The following CCR6 variants were observed in gnomAD, a reference collection of about 807,000 sequenced individuals.
CCR6 encodes the protein C-C chemokine receptor type 6.
Under a neutral mutation model 3.0 loss-of-function variants are expected in CCR6, and 2 were observed. That is an observed-to-expected ratio of 0.66 (90% CI 0.27 to 2.07). The LOEUF (loss-of-function observed/expected upper bound fraction) is 2.07. Ranked by LOEUF, CCR6 falls within the 30% of genes most tolerant of loss-of-function variation. The probability of loss-of-function intolerance (pLI) is 0.14; values close to 1 mark genes in which losing one functional copy is unlikely to be tolerated. For missense variants in CCR6, 322 were observed against 462.8 expected (o/e 0.70, Z 2.79); for synonymous variants, 193 against 184.3 (o/e 1.05, Z -0.38).
At chr6:167,130,240 A>G (rs1781732625) in intron 1 of CCR6, among the ~76,000 whole-genome samples, 2 of 151,790 alleles carry the variant, frequency 1.3e-5, no homozygotes, top group South Asian at 4.1e-4. Flanking sequence ...TTGCAAGGGT[A>G]GGTTCACTGG....
In CCR6 at chr6:167,139,131, T is replaced by C. The variant is rs56240207; in HGVS notation, c.*1776T>C. ...GGCTTTGCAAAATAAAAAATGTGTT[T>C]TGTACATGAAGTAGGAATCGTATTT... On this transcript the variant is annotated 3_prime_UTR_variant, in exon 3 of 3. Coordinates refer to ENST00000341935, the MANE Select transcript of CCR6 (RefSeq NM_031409.4). 988 of 152,434 alleles carry C rather than the reference T, an allele frequency of 6.5e-3. 18 individuals carry two copies. Among genetic ancestry groups the C allele is most frequent in the Non-Finnish European group, 5.3e-3 (362 of 68,022 alleles). The allele number at this position is 152,434 out of a possible 1,614,324, so 9.4% of individuals were successfully genotyped here.
intron 1 of CCR6, among the ~76,000 whole-genome samples, chr6:167,124,896 A>G (rs998945146): frequency 3.9e-5 from 6 of 152,152 alleles, no homozygotes; most frequent in African/African-American, 1.2e-4. Context: ...ACATGCATGC[A>G]TACACACATG....
chr6:167,122,332 T>A (rs767280784), upstream of CCR6, among the ~76,000 whole-genome samples: 1 of 152,246 alleles, frequency 6.6e-6, no homozygotes, highest in Non-Finnish European at 1.5e-5. The surrounding 1 kb of genome is among the most constrained non-coding windows in gnomAD (Gnocchi z 4.2). Context: ...TTCTTTTCTA[T>A]TTTTTAAGCA....
chr6:167,117,658 G>T (rs1028688397), intron 1 of CCR6, among the ~76,000 whole-genome samples: 1 of 151,210 alleles, frequency 6.6e-6, no homozygotes. Context: ...CTCGTGATCC[G>T]CCCGTCTCAG....
chr6:167,127,729 G>A (rs1456499442), intron 1 of CCR6, among the ~76,000 whole-genome samples: 1 of 152,170 alleles, frequency 6.6e-6, no homozygotes, highest in African/African-American at 2.4e-5. Flanking sequence ...TCAAACTCCT[G>A]GCCTCAAGTG....
chr6:167,133,872 T>A (rs2114935442), intron 1 of CCR6, among the ~76,000 whole-genome samples: 1 of 148,600 alleles, frequency 6.7e-6, no homozygotes, highest in East Asian at 2.0e-4. Flanking sequence ...ATAAGTATTT[T>A]ACATTTTATG....
chr6:167,138,363 T>C lies in CCR6; in HGVS notation c.*1008T>C, dbSNP rs1781881984. On this transcript the variant is annotated 3_prime_UTR_variant, in exon 3 of 3. Coordinates refer to ENST00000341935, the MANE Select transcript of CCR6 (RefSeq NM_031409.4). The stretch of plus-strand genomic sequence containing the variant: ...TACTGAGACAATGTAGAAAGAAGTT[T>C]TGTTCCGTTTCTTTAATGTGGTTGA... 1 of 152,304 alleles carries C rather than the reference T, an allele frequency of 6.6e-6. No homozygotes were observed. The allele number at this position is 152,304 out of a possible 1,614,324, so 9.4% of individuals were successfully genotyped here.
intron 1 of CCR6, among the ~76,000 whole-genome samples, chr6:167,128,307 CA>C (rs1447704926): frequency 6.6e-6 from 1 of 152,250 alleles, no homozygotes; most frequent in Non-Finnish European, 1.5e-5. Context: ...GACATGGGGC[CA>C]TGATTCTGCC....
At chr6:167,119,904 C>T (rs1781560624), upstream of CCR6, among the ~76,000 whole-genome samples, 1 of 152,218 alleles carries the variant, frequency 6.6e-6, no homozygotes, top group Non-Finnish European at 1.5e-5. Context: ...TTTCTTCTTC[C>T]TGTCCCTCCA....
chr6:167,117,416 T>C (rs375653075), intron 1 of CCR6, among the ~76,000 whole-genome samples: 499 of 90,728 alleles, frequency 5.5e-3, no homozygotes, highest in East Asian at 0.019. Flanking sequence ...TTTTTTTTTC[T>C]TTTTTTTTTT....
intron 1 of CCR6, among the ~76,000 whole-genome samples, chr6:167,112,697 G>T (rs771275262): frequency 3.3e-5 from 5 of 152,104 alleles, no homozygotes; most frequent in Non-Finnish European, 7.4e-5. Flanking sequence ...GGCAGCAGGC[G>T]GCATCACAGG....
intron 1 of CCR6, among the ~76,000 whole-genome samples, chr6:167,133,930 GTGTATATATATATATATATATATA>G (rs1330028208): frequency 3.4e-5 from 1 of 29,024 alleles, no homozygotes; most frequent in Non-Finnish European, 6.7e-5. Flanking sequence ...TGATATATGT[GTGTATATATATATATATATATATA>G]TATATATATA....
At chr6:167,121,020 G>A (rs3756845), upstream of CCR6, 5,631 of 152,332 alleles carry the variant, frequency 0.037, 288 homozygotes, top group African/African-American at 0.11. Context: ...CTCAGCTCTC[G>A]AAGTAAAGGC....
Position 167,128,019 on chromosome 6 carries a change from C to T in CCR6, c.-98+4796C>T, listed in dbSNP as rs150273315. 3.3e-5 allele frequency among the ~76,000 whole-genome samples: 5 copies of T among 152,386 alleles called. No individual in the cohort carries two copies. The East Asian group carries it at 9.6e-4, about 29-fold the overall frequency. On this transcript the variant is annotated intron_variant, in intron 1 of 2. Coordinates refer to ENST00000341935, the MANE Select transcript of CCR6 (RefSeq NM_031409.4). ...ATGGCTCGGCTTGTGGCCCCCTCTT[C>T]TGTCTGCAACTCCAGCAACAATACA...
upstream of CCR6, chr6:167,119,438 T>C (rs451426): frequency 1.3e-5 from 2 of 152,286 alleles, no homozygotes; most frequent in African/African-American, 4.8e-5. Context: ...GGCATACTTT[T>C]AACTATTTCT....
intron 1 of CCR6, among the ~76,000 whole-genome samples, chr6:167,131,798 T>C (rs555234200): frequency 3.0e-4 from 45 of 152,348 alleles, no homozygotes; most frequent in African/African-American, 1.0e-3. Flanking sequence ...CCAACACATT[T>C]GCGCGGAAGA....
upstream of CCR6, among the ~76,000 whole-genome samples, chr6:167,122,614 T>C (rs1781606195): frequency 6.6e-6 from 1 of 152,240 alleles, no homozygotes; most frequent in South Asian, 2.1e-4. The surrounding 1 kb of genome is among the most constrained non-coding windows in gnomAD (Gnocchi z 4.2). Flanking sequence ...CCTCTGAGGT[T>C]AGAGCTGTCA....
chr6:167,138,368 C>T lies in CCR6; in HGVS notation c.*1013C>T, dbSNP rs1386136055. 2.0e-5 allele frequency: 3 copies of T among 150,612 alleles called. No individual in the cohort carries two copies. The highest frequency in any genetic ancestry group is 4.4e-5 in the Non-Finnish European group (3 of 67,782). 9.3% of individuals were successfully genotyped at this position (150,612 alleles called of 1,614,324 possible). ...AGACAATGTAGAAAGAAGTTTTGTT[C>T]CGTTTCTTTAATGTGGTTGAAGAGC... On this transcript the variant is annotated 3_prime_UTR_variant, in exon 3 of 3. Coordinates refer to ENST00000341935, the MANE Select transcript of CCR6 (RefSeq NM_031409.4).
intron 1 of CCR6, among the ~76,000 whole-genome samples, chr6:167,113,792 C>G (rs1320961668): frequency 6.6e-6 from 1 of 152,202 alleles, no homozygotes; most frequent in Non-Finnish European, 1.5e-5. Context: ...AGTAAATATG[C>G]AGCGCATCCT....
Sources: allele counts gnomAD v4.1 joint callset (sites outside exome capture counted in the v4.1 genomes callset), GRCh38; gene constraint gnomAD v4.1.1; non-coding constraint Gnocchi (gnomAD v3.1); transcripts MANE v1.5; gene names NCBI Gene and HGNC (gene_info 2026-07-23, HGNC 2026-07-21).